SLC24A2: variants seen among roughly 807,000 people sequenced by gnomAD.
The protein encoded by SLC24A2 is sodium/potassium/calcium exchanger 2.
SLC24A2 carries 36 observed loss-of-function variants against 62.0 expected under a neutral mutation model. The observed-to-expected ratio is 0.58, with a 90% CI of 0.44 to 0.77. SLC24A2 has a LOEUF of 0.77. Among genes scored for constraint, SLC24A2 ranks in the 30% least tolerant of loss-of-function variants. The pLI is 0.00. For missense variants in SLC24A2, 846 were observed against 817.9 expected (o/e 1.03, Z -0.42); for synonymous variants, 358 against 294.0 (o/e 1.22, Z -2.23).
intron 5 of SLC24A2, among the ~76,000 whole-genome samples, chr9:19,587,523 G>A (rs970017621): frequency 4.6e-5 from 7 of 152,306 alleles, no homozygotes; most frequent in Admixed American, 4.6e-4. Flanking sequence ...GGCACATGCT[G>A]AGAGTCCTTA....
chr9:19,622,347 T>C (rs768412184), intron 2 of SLC24A2, 48 bp from the exon 3 acceptor site: 40 of 1,554,730 alleles, frequency 2.6e-5, no homozygotes, highest in Non-Finnish European at 3.5e-5. Context: ...AATAAATAAA[T>C]GAAGAATCAC....
At chr9:20,083,045 T>C in the SLC24A2 span, among the ~76,000 whole-genome samples, 1 of 152,200 alleles carries the variant, frequency 6.6e-6, no homozygotes, top group East Asian at 1.9e-4. Flanking sequence ...CATACTACAG[T>C]GCCGGGGTCA....
chr9:20,074,610 GGAGT>G, the SLC24A2 span, among the ~76,000 whole-genome samples: 56 of 127,610 alleles, frequency 4.4e-4, 1 homozygote, highest in Middle Eastern at 7.9e-3. Context: ...AGGAAAGAAG[GGAGT>G]GAGGGAGGGA....
At chr9:20,080,155 G>C in the SLC24A2 span, among the ~76,000 whole-genome samples, 6 of 152,138 alleles carry the variant, frequency 3.9e-5, no homozygotes, top group Admixed American at 1.3e-4. Context: ...CCAAAAATAA[G>C]CCTGCATTGC....
chr9:20,104,226 G>A, the SLC24A2 span, among the ~76,000 whole-genome samples: 1 of 152,234 alleles, frequency 6.6e-6, no homozygotes, highest in East Asian at 1.9e-4. Context: ...CATCTGATTG[G>A]TGTACCTGAA....
chr9:19,986,528 A>C, the SLC24A2 span, among the ~76,000 whole-genome samples: 1 of 152,194 alleles, frequency 6.6e-6, no homozygotes, highest in Admixed American at 6.5e-5. Flanking sequence ...CAAAAGATGG[A>C]AAGAACCCAA....
At chr9:19,770,935 A>G (rs144394935) in intron 2 of SLC24A2, among the ~76,000 whole-genome samples, 311 of 152,314 alleles carry the variant, frequency 2.0e-3, no homozygotes, top group Non-Finnish European at 3.9e-3. Context: ...CCTTACTAAT[A>G]TTTTTTAAAC....
At chr9:19,706,300 A>C (rs1042087736) in intron 2 of SLC24A2, among the ~76,000 whole-genome samples, 6 of 150,842 alleles carry the variant, frequency 4.0e-5, no homozygotes, top group Non-Finnish European at 8.8e-5. Flanking sequence ...ATCTTTCTCC[A>C]TCCTTTTATA....
intron 2 of SLC24A2, among the ~76,000 whole-genome samples, chr9:19,754,860 C>T (rs965312430): frequency 2.0e-5 from 3 of 152,106 alleles, no homozygotes; most frequent in African/African-American, 7.2e-5. Flanking sequence ...ACCAGTTTTA[C>T]AGTGAGGTCC....
the SLC24A2 span, among the ~76,000 whole-genome samples, chr9:20,286,476 G>A: frequency 6.6e-6 from 1 of 152,204 alleles, no homozygotes; most frequent in Non-Finnish European, 1.5e-5. Flanking sequence ...TAAGGATGAT[G>A]AGCAAAAGGC....
chr9:20,081,557 C>G, the SLC24A2 span, among the ~76,000 whole-genome samples: 1 of 151,752 alleles, frequency 6.6e-6, no homozygotes, highest in Admixed American at 6.6e-5. Flanking sequence ...TGCAGCACAC[C>G]AGCATGGCAC....
At chr9:20,240,949 T>G in the SLC24A2 span, among the ~76,000 whole-genome samples, 3 of 152,356 alleles carry the variant, frequency 2.0e-5, no homozygotes, top group East Asian at 3.9e-4. Context: ...GCAGATGAAT[T>G]GAGGCACAGT....
At chr9:20,119,468 C>T in the SLC24A2 span, among the ~76,000 whole-genome samples, 1 of 152,104 alleles carries the variant, frequency 6.6e-6, no homozygotes, top group Admixed American at 6.6e-5. Context: ...AAAAATCCAT[C>T]AGTTGTTTTC....
At chr9:20,206,601 T>G in the SLC24A2 span, among the ~76,000 whole-genome samples, 6 of 152,236 alleles carry the variant, frequency 3.9e-5, no homozygotes, top group Middle Eastern at 0.01. Flanking sequence ...GTGATTTTCC[T>G]GCCTCAGACT....
chr9:19,629,575 A>C (rs1239770060), intron 2 of SLC24A2, among the ~76,000 whole-genome samples: 2 of 152,198 alleles, frequency 1.3e-5, no homozygotes, highest in Non-Finnish European at 2.9e-5. Flanking sequence ...TGCCTTCAGA[A>C]CGGCATAGAT....
chr9:19,659,916 C>T lies in SLC24A2; in HGVS notation c.931-37617G>A, dbSNP rs541280655. ...GAGCTCAGGTGCTGACCTCTATTAC[C>T]ATCAAAGCCTAAAACTACTGGACAG... is the stretch of plus-strand genomic sequence containing the variant. On this transcript the variant is annotated intron_variant, in intron 2 of 10. Coordinates refer to ENST00000341998, the MANE Select transcript of SLC24A2 (RefSeq NM_020344.4). Among the ~76,000 whole-genome samples, 9 of 152,276 alleles carry T rather than the reference C, an allele frequency of 5.9e-5. No homozygotes were observed. In the South Asian group the frequency reaches 1.9e-3, roughly 32 times the overall value.
At chr9:19,838,246 G>A in the SLC24A2 span, among the ~76,000 whole-genome samples, 3 of 152,058 alleles carry the variant, frequency 2.0e-5, no homozygotes, top group Non-Finnish European at 2.9e-5. Context: ...ACAGAACAGA[G>A]CCCTCAGAAA....
chr9:20,214,800 G>A, the SLC24A2 span, among the ~76,000 whole-genome samples: 1 of 152,034 alleles, frequency 6.6e-6, no homozygotes, highest in Non-Finnish European at 1.5e-5. Context: ...TCCTAGAACT[G>A]ACATTCACAT....
At chr9:19,852,724 C>T in the SLC24A2 span, among the ~76,000 whole-genome samples, 1 of 152,038 alleles carries the variant, frequency 6.6e-6, no homozygotes, top group Non-Finnish European at 1.5e-5. Context: ...TTACTGTAGC[C>T]TGGTAGTACA....
Sources: gnomAD v4.1 joint callset for allele counts (sites outside exome capture counted in the v4.1 genomes callset) on GRCh38, gnomAD v4.1.1 for gene constraint, MANE v1.5 for transcripts, NCBI Gene and HGNC (gene_info 2026-07-23, HGNC 2026-07-21) for gene names.